Variants in GPC5 observed in about 807,000 individuals in gnomAD.
The protein encoded by GPC5 is glypican 5.
Under a neutral mutation model 53.9 loss-of-function variants are expected in GPC5, and 47 were observed. The observed-to-expected ratio is 0.87, with a 90% CI of 0.69 to 1.11. GPC5 has a LOEUF of 1.11. Among genes scored for constraint, GPC5 ranks in the 50% most tolerant of loss-of-function variants. The pLI is 0.00. For synonymous variants in GPC5, 286 were observed against 263.3 expected (o/e 1.09, Z -0.84); for missense variants, 748 against 713.1 (o/e 1.05, Z -0.56).
intron 7 of GPC5, among the ~76,000 whole-genome samples, chr13:92,656,178 C>G (rs755802573): frequency 2.6e-5 from 4 of 152,054 alleles, no homozygotes; most frequent in Admixed American, 6.5e-5. Flanking sequence ...GAAAACAGCA[C>G]AGGGCAGAGT....
chr13:92,608,762 A>G (rs1399505979), intron 7 of GPC5, among the ~76,000 whole-genome samples: 6 of 152,152 alleles, frequency 3.9e-5, no homozygotes. Context: ...GAGTTATCCA[A>G]TCACTCATTT....
intron 7 of GPC5, among the ~76,000 whole-genome samples, chr13:92,526,320 A>G (rs1433509059): frequency 6.6e-6 from 1 of 152,088 alleles, no homozygotes; most frequent in Non-Finnish European, 1.5e-5. Flanking sequence ...ATGCTAACAA[A>G]TTTGTGCTTT....
chr13:91,909,185 G>T (rs1252631276), intron 6 of GPC5, among the ~76,000 whole-genome samples: 2 of 152,162 alleles, frequency 1.3e-5, no homozygotes, highest in African/African-American at 2.4e-5. Flanking sequence ...AATTCTATTG[G>T]AAAAGTCTAA....
chr13:91,808,473 G>A (rs926727205), intron 5 of GPC5, among the ~76,000 whole-genome samples: 3 of 152,056 alleles, frequency 2.0e-5, no homozygotes, highest in African/African-American at 7.2e-5. Context: ...ATTTCCTGGA[G>A]TATGCTCTTA....
At chr13:92,211,011 A>G (rs1463106428) in intron 7 of GPC5, among the ~76,000 whole-genome samples, 2 of 152,188 alleles carry the variant, frequency 1.3e-5, no homozygotes, top group Admixed American at 1.3e-4. Context: ...TGAATTTTAA[A>G]CAACTCCTTT....
At chr13:91,864,941 A>G (rs1457080435) in intron 5 of GPC5, among the ~76,000 whole-genome samples, 6 of 146,020 alleles carry the variant, frequency 4.1e-5, no homozygotes, top group African/African-American at 1.5e-4. Flanking sequence ...GTCTTGCTCT[A>G]TCACCCAGGC....
intron 6 of GPC5, among the ~76,000 whole-genome samples, chr13:91,910,350 A>C (rs1287141757): frequency 6.6e-6 from 1 of 152,198 alleles, no homozygotes. Flanking sequence ...TCCGTAAGTG[A>C]GAATTTATTA....
chr13:92,864,311 A>C (rs1941264512), intron 7 of GPC5, among the ~76,000 whole-genome samples: 1 of 152,176 alleles, frequency 6.6e-6, no homozygotes, highest in Non-Finnish European at 1.5e-5. Flanking sequence ...ATAGCATCTG[A>C]TTGAAGGCAG....
chr13:91,464,915 A>T (rs901249228), intron 2 of GPC5, among the ~76,000 whole-genome samples: 3 of 152,140 alleles, frequency 2.0e-5, no homozygotes, highest in Non-Finnish European at 2.9e-5. Flanking sequence ...GTTATACAAG[A>T]TGCTTCCCCT....
chr13:92,775,943 A>T (rs1466092456), intron 7 of GPC5, among the ~76,000 whole-genome samples: 1 of 152,342 alleles, frequency 6.6e-6, no homozygotes, highest in African/African-American at 2.4e-5. Context: ...AATAAGATGG[A>T]TTTATGACTC....
intron 7 of GPC5, among the ~76,000 whole-genome samples, chr13:92,665,266 G>A (rs1361472521): frequency 2.6e-5 from 4 of 152,132 alleles, no homozygotes; most frequent in Non-Finnish European, 5.9e-5. Context: ...TTTTATGCTT[G>A]TGGAAGGAGG....
rs574843026 is a variant in GPC5 at position 92,589,955 on chromosome 13, G to A, written c.1562-276327G>A. ...TCGGGCTGTGTGGCCAAGGTTAAAA[G>A]GTTGATGAGTGCCACCCAGGGAAGA... On this transcript the variant is annotated intron_variant, in intron 7 of 7. Transcript: ENST00000377067. Among the ~76,000 whole-genome samples the A allele has an allele frequency of 4.6e-4, 70 of 152,266 alleles. 1 individual carries two copies. The South Asian group carries it at 0.011, about 24-fold the overall frequency.
rs2036528492 is a variant in GPC5, at chr13:91,724,077, C to A, written c.1021-4455C>A. ...ACTAGTTCTCAGAATCATAAGGGAA[C>A]TGAACATGAGAAAATAAACTCAAAT... On this transcript the variant is annotated intron_variant, in intron 3 of 7. Transcript: ENST00000377067. Among the ~76,000 whole-genome samples the A allele has an allele frequency of 2.0e-5, 3 of 152,120 alleles. No homozygotes were observed. In the South Asian group the frequency reaches 6.2e-4, roughly 32 times the overall value.
intron 7 of GPC5, among the ~76,000 whole-genome samples, chr13:92,267,368 T>A (rs2042809887): frequency 6.6e-6 from 1 of 152,082 alleles, no homozygotes; most frequent in East Asian, 1.9e-4. Context: ...ATCCTGTACA[T>A]CCATGAGAAA....
chr13:92,503,747 C>T (rs1001828619), intron 7 of GPC5, among the ~76,000 whole-genome samples: 24 of 151,820 alleles, frequency 1.6e-4, no homozygotes, highest in Admixed American at 3.3e-4. Flanking sequence ...AAATCCTACA[C>T]ACCAAAGTTT....
chr13:91,680,466 A>G (rs2035482062), intron 2 of GPC5, among the ~76,000 whole-genome samples: 1 of 152,154 alleles, frequency 6.6e-6, no homozygotes, highest in Non-Finnish European at 1.5e-5. Flanking sequence ...ACAAACAAAC[A>G]AAAAAGTGAT....
chr13:91,876,371 G>GCT (rs1436726393), intron 5 of GPC5, among the ~76,000 whole-genome samples: 4 of 152,032 alleles, frequency 2.6e-5, no homozygotes, highest in Admixed American at 2.0e-4. Flanking sequence ...CTTCCTAGAG[G>GCT]CTTGTTGAAT....
At chr13:92,624,601 A>G (rs1467531264) in intron 7 of GPC5, among the ~76,000 whole-genome samples, 1 of 152,200 alleles carries the variant, frequency 6.6e-6, no homozygotes, top group Non-Finnish European at 1.5e-5. Flanking sequence ...CAGGAGACAG[A>G]ATACCAGCAT....
chr13:92,165,383 A>G (rs1034500898), intron 7 of GPC5, among the ~76,000 whole-genome samples: 1 of 152,210 alleles, frequency 6.6e-6, no homozygotes, highest in African/African-American at 2.4e-5. Flanking sequence ...TCACACTGCT[A>G]TGAAAAAATA....
Sources: gnomAD v4.1 joint callset for allele counts (sites outside exome capture counted in the v4.1 genomes callset) on GRCh38, gnomAD v4.1.1 for gene constraint, MANE v1.5 for transcripts, NCBI Gene and HGNC (gene_info 2026-07-23, HGNC 2026-07-21) for gene names.